ANKRD11: variants seen among roughly 807,000 people sequenced by gnomAD.
The protein encoded by ANKRD11 is ankyrin repeat domain 11.
A neutral mutation model predicts 195.7 loss-of-function variants in ANKRD11; 17 were observed. The observed-to-expected ratio is 0.09, with a 90% confidence interval of 0.06 to 0.13. The LOEUF is 0.13. Among genes scored for constraint, ANKRD11 ranks in the 10% least tolerant of loss-of-function variants. The pLI is 1.00. For synonymous variants in ANKRD11, 1,953 were observed against 1,528.1 expected (o/e 1.28, Z -6.49); for missense variants, 3,735 against 3,566.1 (o/e 1.05, Z -1.21).
At chr16:89,433,839 G>A (rs1167962925) in intron 1 of ANKRD11, among the ~76,000 whole-genome samples, 4 of 152,222 alleles carry the variant, frequency 2.6e-5, no homozygotes, top group Non-Finnish European at 4.4e-5. Flanking sequence ...CAGCCCCAGA[G>A]CCCCACTGTG....
chr16:89,445,668 T>A (rs895701337), intron 1 of ANKRD11, among the ~76,000 whole-genome samples: 2 of 151,984 alleles, frequency 1.3e-5, no homozygotes, highest in African/African-American at 2.4e-5. Flanking sequence ...GAAATAACTG[T>A]ATTTTTTTAA....
At chr16:89,273,044 C>CCAA (rs2033311231) in intron 11 of ANKRD11, 2 of 95,984 alleles carry the variant, frequency 2.1e-5, no homozygotes, top group South Asian at 7.6e-4. Context: ...TAATGGGTAC[C>CCAA]AAAAAAAAAA....
chr16:89,322,012 C>T (rs1358039102), intron 2 of ANKRD11, among the ~76,000 whole-genome samples: 1 of 152,210 alleles, frequency 6.6e-6, no homozygotes, highest in East Asian at 1.9e-4. Context: ...TCTACCCTAA[C>T]AGTAAGAGCA....
intron 1 of ANKRD11, among the ~76,000 whole-genome samples, chr16:89,440,656 A>G (rs540749253): frequency 6.7e-4 from 102 of 152,310 alleles, no homozygotes; most frequent in African/African-American, 2.3e-3. Context: ...GGAAGAAAGC[A>G]TAAGAAAATA....
intron 2 of ANKRD11, among the ~76,000 whole-genome samples, chr16:89,371,048 T>C (rs755195330): frequency 6.6e-6 from 1 of 152,162 alleles, no homozygotes; most frequent in African/African-American, 2.4e-5. Context: ...CCCCGTCTCA[T>C]GACGAAGGGG....
At chr16:89,481,398 T>A (rs2057440599) in intron 1 of ANKRD11, among the ~76,000 whole-genome samples, 1 of 152,108 alleles carries the variant, frequency 6.6e-6, no homozygotes, top group African/African-American at 2.4e-5. Context: ...CGAAACCCCA[T>A]TTCTACAAAG....
chr16:89,425,748 G>C (rs972161079), intron 1 of ANKRD11, among the ~76,000 whole-genome samples: 6 of 152,068 alleles, frequency 3.9e-5, no homozygotes, highest in African/African-American at 1.4e-4. Flanking sequence ...CGTTTTCTCT[G>C]ATTTAAAGTG....
At position 89,347,607 on chromosome 16, in the gene ANKRD11, T is replaced by TAAAA. The variant is rs5818710; in HGVS notation, c.-59-30533_-59-30530dup. On this transcript the variant is annotated intron_variant, in intron 2 of 12. Transcript: ENST00000301030. ...GCCTGGGCGACAGAGCGAGACTCCG[T>TAAAA]AAAAAAAAAAAAAAAAAGGTTCTGT... 8.5e-3 allele frequency among the ~76,000 whole-genome samples: 1,084 copies of TAAAA among 127,306 alleles called. 19 individuals carry two copies. The highest frequency in any genetic ancestry group is 0.031 in the African/African-American group (1,033 of 33,170). The allele number at this position is 127,306 out of a possible 152,430, so 83.5% of individuals were successfully genotyped here. A position where few individuals can be genotyped will look rare whatever the true frequency, so the allele number is the denominator to read the frequency against.
At chr16:89,456,108 C>A (rs118013399) in intron 1 of ANKRD11, among the ~76,000 whole-genome samples, 2,288 of 151,970 alleles carry the variant, frequency 0.015, 34 homozygotes, top group Middle Eastern at 0.048. Flanking sequence ...GGTGTGGTGG[C>A]GTGCACCTGT....
chr16:89,324,440 T>A (rs915700063), intron 2 of ANKRD11: 1 of 462,990 alleles, frequency 2.2e-6, no homozygotes, highest in Non-Finnish European at 4.3e-6. Context: ...AAGGTAAGTG[T>A]GAGGGTTACT....
intron 1 of ANKRD11, among the ~76,000 whole-genome samples, chr16:89,419,267 C>G (rs1298779471): frequency 1.3e-5 from 2 of 151,780 alleles, no homozygotes; most frequent in African/African-American, 2.4e-5. Flanking sequence ...GCCTGGCCAA[C>G]AGGGCAAAAC....
intron 1 of ANKRD11, among the ~76,000 whole-genome samples, chr16:89,441,789 A>AAAAAAAAAAAAC (rs2043513304): frequency 6.9e-6 from 1 of 145,176 alleles, no homozygotes; most frequent in Non-Finnish European, 1.5e-5. Flanking sequence ...AAAAAAAAAA[A>AAAAAAAAAAAAC]AAAACGCAAA....
intron 1 of ANKRD11, among the ~76,000 whole-genome samples, chr16:89,480,749 T>C (rs2057418402): frequency 1.3e-5 from 2 of 152,212 alleles, no homozygotes; most frequent in South Asian, 4.1e-4. Context: ...ACAAAATATC[T>C]GAGGGCAAAT....
chr16:89,295,971 C>T (rs1321010052), intron 4 of ANKRD11, among the ~76,000 whole-genome samples: 1 of 122,380 alleles, frequency 8.2e-6, no homozygotes, highest in East Asian at 2.6e-4. Flanking sequence ...GGAGTGTCTT[C>T]TCTATCTGGC....
At chr16:89,467,994 G>C (rs1182938336) in intron 1 of ANKRD11, among the ~76,000 whole-genome samples, 1 of 152,006 alleles carries the variant, frequency 6.6e-6, no homozygotes, top group African/African-American at 2.4e-5. Context: ...AGTAGAGACG[G>C]GGTTTGGTTA....
rs1368585530 is a variant in ANKRD11 at position 89,280,747 on chromosome 16, T to A, written c.5795A>T (p.Glu1932Val). Residue 1932 changes from glutamate to valine, a missense_variant, in exon 9 of 13, where the codon GAG becomes GTG. Coordinates refer to ENST00000301030, the MANE Select transcript of ANKRD11 (RefSeq NM_013275.6). ...AIIPPEPSYLEPLDEGPFSAV... is the reference protein window; with the variant it reads ...AIIPPEPSYLVPLDEGPFSAV... ...GCTGAAGGGACCCTCGTCCAGCGGC[T>A]CCAGGTAGCTGGGCTCCGGGGGGAT... 2 of 1,613,258 alleles carry A rather than the reference T, an allele frequency of 1.2e-6. No individual in the cohort carries two copies. Among genetic ancestry groups the A allele is most frequent in the Non-Finnish European group, 1.7e-6 (2 of 1,179,862 alleles).
chr16:89,288,324 C>T (rs1597476411), intron 7 of ANKRD11: 1 of 798,096 alleles, frequency 1.3e-6, no homozygotes, highest in African/African-American at 1.7e-5. Context: ...TGCTGGGAAA[C>T]CTGTGAGAGG....
At chr16:89,469,110 G>C (rs2152346361) in intron 1 of ANKRD11, among the ~76,000 whole-genome samples, 1 of 152,030 alleles carries the variant, frequency 6.6e-6, no homozygotes, top group South Asian at 2.1e-4. Context: ...AAATAAGCCT[G>C]TGTCAGAGCC....
chr16:89,449,635 A>C (rs2043973494), intron 1 of ANKRD11, among the ~76,000 whole-genome samples: 1 of 151,884 alleles, frequency 6.6e-6, no homozygotes, highest in African/African-American at 2.4e-5. Context: ...CTCTACTAAA[A>C]ATACAAAATT....
Sources: gnomAD v4.1 joint callset for allele counts (sites outside exome capture counted in the v4.1 genomes callset) on GRCh38, gnomAD v4.1.1 for gene constraint, MANE v1.5 for transcripts, NCBI Gene and HGNC (gene_info 2026-07-23, HGNC 2026-07-21) for gene names.